ATP8A2: variants seen among roughly 807,000 people sequenced by gnomAD.
ATP8A2 encodes the protein phospholipid-transporting ATPase IB.
A neutral mutation model predicts 165.6 loss-of-function variants in ATP8A2; 100 were observed. The observed-to-expected ratio is 0.60, with a 90% confidence interval of 0.51 to 0.71. ATP8A2 has a LOEUF of 0.71. Among genes scored for constraint, ATP8A2 ranks in the 30% least tolerant of loss-of-function variants. The probability of loss-of-function intolerance (pLI) is 0.00; values close to 1 mark genes in which losing one functional copy is unlikely to be tolerated. For synonymous variants in ATP8A2, 543 were observed against 548.8 expected, an observed-to-expected ratio of 0.99 and a Z score of 0.15; for missense variants, 1,227 against 1,479.5, an observed-to-expected ratio of 0.83 and a Z score of 2.80.
At chr13:26,010,962 G>A (rs1956832069) in intron 35 of ATP8A2, among the ~76,000 whole-genome samples, 1 of 152,160 alleles carries the variant, frequency 6.6e-6, no homozygotes, top group Non-Finnish European at 1.5e-5. Context: ...GTGAAGAAGA[G>A]CCAGGGCCCC....
chr13:25,414,940 G>A (rs1282360419), intron 1 of ATP8A2, among the ~76,000 whole-genome samples: 1 of 152,126 alleles, frequency 6.6e-6, no homozygotes, highest in Non-Finnish European at 1.5e-5. Context: ...AGCAGGTGCT[G>A]GGTAAATACT....
chr13:25,703,197 G>A (rs1352754431), intron 25 of ATP8A2, among the ~76,000 whole-genome samples: 4 of 151,770 alleles, frequency 2.6e-5, no homozygotes, highest in Non-Finnish European at 5.9e-5. Context: ...CTCCTGCCTC[G>A]GCCTCCCAAA....
intron 1 of ATP8A2, among the ~76,000 whole-genome samples, chr13:25,380,245 G>A (rs966438990): frequency 1.3e-5 from 2 of 152,154 alleles, no homozygotes; most frequent in African/African-American, 2.4e-5. Flanking sequence ...CTGGTCTTGG[G>A]CAAGTAGAAT....
At chr13:25,405,061 T>G (rs556837265) in intron 1 of ATP8A2, among the ~76,000 whole-genome samples, 48 of 152,130 alleles carry the variant, frequency 3.2e-4, no homozygotes, top group African/African-American at 1.1e-3. Flanking sequence ...TCGAGTGTGC[T>G]CAGCAGGGCC....
intron 33 of ATP8A2, among the ~76,000 whole-genome samples, chr13:25,949,606 C>T (rs1475420094): frequency 1.3e-5 from 2 of 152,112 alleles, no homozygotes; most frequent in African/African-American, 4.8e-5. Context: ...AGCATAATTC[C>T]TGGAAGCTGC....
chr13:25,615,611 A>T (rs571656094), intron 24 of ATP8A2, among the ~76,000 whole-genome samples: 1 of 152,104 alleles, frequency 6.6e-6, no homozygotes, highest in Non-Finnish European at 1.5e-5. Context: ...ATTCAGCTGG[A>T]GGTCTTTTCC....
At chr13:25,632,119 T>C (rs765125932) in intron 24 of ATP8A2, among the ~76,000 whole-genome samples, 6 of 152,170 alleles carry the variant, frequency 3.9e-5, no homozygotes, top group Non-Finnish European at 8.8e-5. Flanking sequence ...AAGGATGTTA[T>C]GGATGAACAG....
chr13:25,383,032 G>GGC (rs1342827924), intron 1 of ATP8A2, among the ~76,000 whole-genome samples: 1 of 149,416 alleles, frequency 6.7e-6, no homozygotes, highest in African/African-American at 2.5e-5. Flanking sequence ...TGGGATTACA[G>GGC]GTGTGAGCCA....
intron 2 of ATP8A2, among the ~76,000 whole-genome samples, chr13:25,500,484 G>T (rs1458441408): frequency 6.6e-6 from 1 of 152,210 alleles, no homozygotes; most frequent in Non-Finnish European, 1.5e-5. Context: ...ATAATATTGT[G>T]TGGAGTGCTC....
At chr13:25,645,315 G>C (rs2041643364) in intron 24 of ATP8A2, among the ~76,000 whole-genome samples, 1 of 152,180 alleles carries the variant, frequency 6.6e-6, no homozygotes. Context: ...ACTGGCCCCT[G>C]TGATTCAATT....
At chr13:25,420,323 C>T (rs1335616898) in intron 1 of ATP8A2, among the ~76,000 whole-genome samples, 1 of 152,202 alleles carries the variant, frequency 6.6e-6, no homozygotes, top group Non-Finnish European at 1.5e-5. Flanking sequence ...CACAGCGGGG[C>T]TCCGTGGCCA....
In ATP8A2 at chr13:25,589,091, G is replaced by A. The variant is rs183782480; in HGVS notation, c.2147-544G>A. ...ATTGTTAAGAACTAGGAGTACTTTC[G>A]TTCCAAATAAGCCTTTAAAAAAAAA... On this transcript the variant is annotated intron_variant, in intron 23 of 36. Coordinates refer to ENST00000381655, the MANE Select transcript of ATP8A2 (RefSeq NM_016529.6). Among the ~76,000 whole-genome samples, 226 of 152,002 alleles carry A rather than the reference G, an allele frequency of 1.5e-3. 1 individual carries two copies. The highest frequency in any genetic ancestry group is 5.3e-3 in the African/African-American group (218 of 41,428).
At chr13:25,686,304 A>T (rs2042599894) in intron 24 of ATP8A2, among the ~76,000 whole-genome samples, 1 of 152,224 alleles carries the variant, frequency 6.6e-6, no homozygotes, top group Non-Finnish European at 1.5e-5. Context: ...CCTGAGGGGC[A>T]GGAACATGAT....
chr13:25,893,660 CCCG>C (rs1301704167), intron 33 of ATP8A2, among the ~76,000 whole-genome samples: 112 of 152,312 alleles, frequency 7.4e-4, no homozygotes, highest in African/African-American at 2.6e-3. Context: ...AGTTTACAGT[CCCG>C]CCAACAGTGT....
At chr13:25,806,544 G>T (rs1950744417) in intron 27 of ATP8A2, among the ~76,000 whole-genome samples, 1 of 151,938 alleles carries the variant, frequency 6.6e-6, no homozygotes, top group African/African-American at 2.4e-5. Context: ...TCAACTTCAT[G>T]GAAAAGGGAC....
At chr13:26,008,180 C>A (rs1956781808) in intron 35 of ATP8A2, among the ~76,000 whole-genome samples, 1 of 152,078 alleles carries the variant, frequency 6.6e-6, no homozygotes, top group African/African-American at 2.4e-5. Context: ...AGTAGAGAGT[C>A]CTTCTGTACT....
At chr13:25,899,715 A>G (rs990477924) in intron 33 of ATP8A2, among the ~76,000 whole-genome samples, 3 of 152,164 alleles carry the variant, frequency 2.0e-5, no homozygotes, top group Admixed American at 1.3e-4. Flanking sequence ...GGGTGCAGGA[A>G]GAAGAGCAGA....
chr13:25,410,046 C>T (rs552757403), intron 1 of ATP8A2, among the ~76,000 whole-genome samples: 17 of 150,208 alleles, frequency 1.1e-4, no homozygotes, highest in African/African-American at 4.2e-4. Flanking sequence ...TGGGTTCAGC[C>T]ATTAGGAGAA....
chr13:25,417,272 C>T (rs1451699212), intron 1 of ATP8A2, among the ~76,000 whole-genome samples: 1 of 152,026 alleles, frequency 6.6e-6, no homozygotes, highest in Non-Finnish European at 1.5e-5. Flanking sequence ...GTAACTGAGT[C>T]CCCACCTTCT....
Sources: allele counts gnomAD v4.1 joint callset (sites outside exome capture counted in the v4.1 genomes callset), GRCh38; gene constraint gnomAD v4.1.1; transcripts MANE v1.5; gene names NCBI Gene and HGNC (gene_info 2026-07-23, HGNC 2026-07-21).